The following CNTNAP2 variants were observed in gnomAD, a reference collection of about 807,000 sequenced individuals.
The protein encoded by CNTNAP2 is contactin-associated protein-like 2.
Under a neutral mutation model 155.2 loss-of-function variants are expected in CNTNAP2, and 98 were observed. The observed-to-expected ratio is 0.63, with a 90% confidence interval of 0.54 to 0.75. The LOEUF (loss-of-function observed/expected upper bound fraction) is 0.75. Ranked by LOEUF, CNTNAP2 falls within the 30% of genes least tolerant of loss-of-function variation. CNTNAP2 has a pLI of 0.00. For synonymous variants in CNTNAP2, 651 were observed against 631.2 expected, an observed-to-expected ratio of 1.03 and a Z score of -0.47; for missense variants, 1,727 against 1,688.1, an observed-to-expected ratio of 1.02 and a Z score of -0.40.
intron 11 of CNTNAP2, among the ~76,000 whole-genome samples, chr7:147,548,376 A>G (rs1215580196): frequency 2.0e-5 from 3 of 151,970 alleles, no homozygotes; most frequent in Admixed American, 1.3e-4. Flanking sequence ...GCTTTTTTTC[A>G]TATGTTTGTT....
Position 147,018,349 on chromosome 7 carries a change from C to A in CNTNAP2, c.403-25558C>A, listed in dbSNP as rs559865182. 1.1e-4 allele frequency among the ~76,000 whole-genome samples: 17 copies of A among 152,038 alleles called. No homozygotes were observed. In the East Asian group the frequency reaches 3.1e-3, roughly 28 times the overall value. On this transcript the variant is annotated intron_variant, in intron 3 of 23. Coordinates refer to ENST00000361727, the MANE Select transcript of CNTNAP2 (RefSeq NM_014141.6). The stretch of plus-strand genomic sequence containing the variant: ...TACCTAACTCCTTGTCCTATAATAC[C>A]CACTCTATGACTCTGTCATGGCATG...
intron 1 of CNTNAP2, among the ~76,000 whole-genome samples, chr7:146,319,652 G>T (rs1164106647): frequency 6.6e-6 from 1 of 152,162 alleles, no homozygotes; most frequent in Non-Finnish European, 1.5e-5. Context: ...GATGTGATCG[G>T]CTTCAAACAT....
intron 3 of CNTNAP2, among the ~76,000 whole-genome samples, chr7:146,923,647 G>T (rs1036585793): frequency 2.0e-5 from 3 of 152,190 alleles, no homozygotes; most frequent in Non-Finnish European, 4.4e-5. Context: ...CAGTATTATT[G>T]TTTGGCTGCT....
At chr7:146,394,783 C>G (rs1208080282) in intron 1 of CNTNAP2, among the ~76,000 whole-genome samples, 3 of 151,996 alleles carry the variant, frequency 2.0e-5, no homozygotes. Flanking sequence ...GGTACAAGTA[C>G]AGTTTTGTTT....
chr7:147,148,247 G>A (rs965729190), intron 8 of CNTNAP2, among the ~76,000 whole-genome samples: 10 of 151,740 alleles, frequency 6.6e-5, no homozygotes, highest in South Asian at 2.1e-4. Flanking sequence ...AAAAATAGCC[G>A]GGCGTAGTGG....
At chr7:147,300,961 T>C (rs1253662146) in intron 9 of CNTNAP2, among the ~76,000 whole-genome samples, 1 of 152,136 alleles carries the variant, frequency 6.6e-6, no homozygotes. Context: ...GTTCTCCAGA[T>C]AAAAACTATG....
intron 8 of CNTNAP2, among the ~76,000 whole-genome samples, chr7:147,242,753 T>A (rs1275101030): frequency 6.6e-6 from 1 of 152,138 alleles, no homozygotes; most frequent in Non-Finnish European, 1.5e-5. Context: ...ACTAGAAGTC[T>A]CTGCACATTT....
chr7:147,039,655 G>C (rs1370965420), intron 3 of CNTNAP2, among the ~76,000 whole-genome samples: 2 of 152,168 alleles, frequency 1.3e-5, no homozygotes, highest in African/African-American at 4.8e-5. Flanking sequence ...GTGTCTTTGT[G>C]GTAGAATGAT....
chr7:147,740,122 C>T (rs1371619017), intron 13 of CNTNAP2, among the ~76,000 whole-genome samples: 4 of 152,188 alleles, frequency 2.6e-5, no homozygotes, highest in African/African-American at 7.2e-5. Context: ...CCATAGTCCA[C>T]TTGTGGGTCA....
At chr7:146,705,449 T>A (rs344450) in intron 1 of CNTNAP2, among the ~76,000 whole-genome samples, 1 of 152,010 alleles carries the variant, frequency 6.6e-6, no homozygotes, top group African/African-American at 2.4e-5. Context: ...AAAAAGGCAC[T>A]AATGACACTG....
At chr7:146,797,463 G>A (rs112855107) in intron 2 of CNTNAP2, among the ~76,000 whole-genome samples, 388 of 152,322 alleles carry the variant, frequency 2.5e-3, no homozygotes, top group African/African-American at 9.0e-3. Flanking sequence ...CATGGAAATA[G>A]CATACAGACT....
At position 148,270,864 on chromosome 7, in the gene CNTNAP2, C is replaced by T. The variant is rs533559193; in HGVS notation, c.3475+3738C>T. The stretch of plus-strand genomic sequence containing the variant: ...GACCATGTTGCTTTCTTAGTTGAAC[C>T]TCTCAGAGCCTAGGTTCTCTCCTTT... On this transcript the variant is annotated intron_variant, in intron 21 of 23. Coordinates refer to ENST00000361727, the MANE Select transcript of CNTNAP2 (RefSeq NM_014141.6). 3.3e-5 allele frequency among the ~76,000 whole-genome samples: 5 copies of T among 152,306 alleles called. No individual in the cohort carries two copies. The South Asian group carries it at 8.3e-4, about 25-fold the overall frequency.
intron 1 of CNTNAP2, among the ~76,000 whole-genome samples, chr7:146,718,408 G>A (rs1292061867): frequency 2.6e-5 from 4 of 152,164 alleles, no homozygotes; most frequent in Non-Finnish European, 5.9e-5. Flanking sequence ...GAAGAATTGT[G>A]TCTCTTGGTG....
chr7:148,131,747 C>A (rs1488639495), intron 16 of CNTNAP2, among the ~76,000 whole-genome samples: 1 of 151,986 alleles, frequency 6.6e-6, no homozygotes, highest in Non-Finnish European at 1.5e-5. Flanking sequence ...AAAACAAGTG[C>A]TTCAAGAAAA....
At chr7:147,008,432 C>T (rs979876667) in intron 3 of CNTNAP2, among the ~76,000 whole-genome samples, 1 of 152,000 alleles carries the variant, frequency 6.6e-6, no homozygotes, top group African/African-American at 2.4e-5. Context: ...AACCAGTTTG[C>T]TTCAAGAAAT....
intron 13 of CNTNAP2, among the ~76,000 whole-genome samples, chr7:147,856,262 G>C (rs1195124231): frequency 6.6e-6 from 1 of 152,104 alleles, no homozygotes; most frequent in Non-Finnish European, 1.5e-5. Context: ...AAGGCCCAGA[G>C]CCCAGGCCAG....
intron 1 of CNTNAP2, among the ~76,000 whole-genome samples, chr7:146,587,431 T>A (rs1318409410): frequency 1.3e-5 from 2 of 152,120 alleles, no homozygotes; most frequent in Non-Finnish European, 2.9e-5. Flanking sequence ...TAAGTCTAAT[T>A]TTTAAAGACT....
At chr7:147,029,433 A>G (rs1217441310) in intron 3 of CNTNAP2, among the ~76,000 whole-genome samples, 1 of 152,226 alleles carries the variant, frequency 6.6e-6, no homozygotes, top group African/African-American at 2.4e-5. Context: ...GCTAAAGTTT[A>G]AGAGAGCATG....
intron 3 of CNTNAP2, among the ~76,000 whole-genome samples, chr7:146,945,636 A>C (rs1797150916): frequency 6.6e-6 from 1 of 152,124 alleles, no homozygotes. Context: ...TTTTCATAGA[A>C]TTAGGAAAGA....
Sources: allele counts gnomAD v4.1 joint callset (sites outside exome capture counted in the v4.1 genomes callset), GRCh38; gene constraint gnomAD v4.1.1; transcripts MANE v1.5; gene names NCBI Gene and HGNC (gene_info 2026-07-23, HGNC 2026-07-21).